The following TG variants were observed in gnomAD, a reference collection of about 807,000 sequenced individuals.
TG encodes the protein thyroglobulin.
Under a neutral mutation model 324.7 loss-of-function variants are expected in TG, and 270 were observed. The ratio of observed to expected loss-of-function variants is 0.83; its 90% CI spans 0.75 to 0.92. TG has a LOEUF of 0.92. Ranked by LOEUF, TG falls within the 40% of genes least tolerant of loss-of-function variation. TG has a pLI of 0.00. For synonymous variants in TG, 1,401 were observed against 1,327.0 expected, an observed-to-expected ratio of 1.06 and a Z score of -1.21; for missense variants, 3,591 against 3,456.4, an observed-to-expected ratio of 1.04 and a Z score of -0.98.
chr8:132,947,350 T>A (rs1050903690), intron 26 of TG, among the ~76,000 whole-genome samples: 2 of 152,328 alleles, frequency 1.3e-5, no homozygotes, highest in East Asian at 3.9e-4. Context: ...ATTTCTGATG[T>A]CATCAGTCTA....
intron 35 of TG, among the ~76,000 whole-genome samples, chr8:133,011,447 T>A (rs986282522): frequency 3.3e-5 from 5 of 152,162 alleles, no homozygotes; most frequent in Non-Finnish European, 4.4e-5. Flanking sequence ...CCCCACAGTG[T>A]CCCTTACAGA....
chr8:132,989,852 C>T (rs1004343236), intron 35 of TG, among the ~76,000 whole-genome samples: 1 of 152,198 alleles, frequency 6.6e-6, no homozygotes, highest in African/African-American at 2.4e-5. Context: ...CGGTGCAGCA[C>T]GTGGGCTTTG....
chr8:133,094,846 C>T (rs1848168951), intron 41 of TG, 198 bp from the exon 42 acceptor site: 1 of 700,044 alleles, frequency 1.4e-6, no homozygotes, highest in South Asian at 1.6e-5. Flanking sequence ...CCTAGAGAGA[C>T]ATCTTCAGTA....
At chr8:132,911,024 T>C (rs1443672620) in intron 18 of TG, among the ~76,000 whole-genome samples, 3 of 152,162 alleles carry the variant, frequency 2.0e-5, no homozygotes, top group African/African-American at 7.2e-5. Flanking sequence ...TGGTGGATGC[T>C]ATAGGGGTTC....
intron 35 of TG, among the ~76,000 whole-genome samples, chr8:132,995,867 G>A (rs1401728587): frequency 6.6e-6 from 1 of 152,316 alleles, no homozygotes; most frequent in East Asian, 1.9e-4. Flanking sequence ...TTCCCTAGAA[G>A]CGTCTTTGAA....
At chr8:133,080,842 C>T (rs1845635113) in intron 41 of TG, among the ~76,000 whole-genome samples, 1 of 152,340 alleles carries the variant, frequency 6.6e-6, no homozygotes, top group Non-Finnish European at 1.5e-5. Context: ...GGGGCAGGTC[C>T]CTTCAGGCCC....
In TG at chr8:132,929,073, T is replaced by C. The variant is rs1184867548; in HGVS notation, c.4700-3T>C. The stretch of plus-strand genomic sequence containing the variant: ...AGATTTACTAAATCTGCTTTATTTT[T>C]AGTGATGCAGAAGTTTGAGAAGGTT... On this transcript the variant is annotated splice_region_variant and splice_polypyrimidine_tract_variant and intron_variant, in intron 22 of 47. Transcript: ENST00000220616. The C allele has an allele frequency of 4.3e-6, 7 of 1,612,776 alleles. 1 individual carries two copies. The South Asian group carries it at 7.7e-5, about 18-fold the overall frequency.
chr8:133,030,384 C>T (rs1317221121), intron 41 of TG, among the ~76,000 whole-genome samples: 2 of 152,022 alleles, frequency 1.3e-5, no homozygotes, highest in African/African-American at 4.8e-5. Flanking sequence ...CCTGAAGTGC[C>T]GGCTACGTGA....
At chr8:133,002,960 C>T (rs1833681689) in intron 35 of TG, 1 of 1,015,596 alleles carries the variant, frequency 9.8e-7, no homozygotes, top group Non-Finnish European at 1.2e-6. Context: ...TTGATGCCTA[C>T]CATATCACCT....
intron 41 of TG, among the ~76,000 whole-genome samples, chr8:133,057,924 G>A (rs1386951450): frequency 2.0e-5 from 3 of 152,194 alleles, no homozygotes; most frequent in African/African-American, 7.2e-5. Flanking sequence ...CTTGTGCACG[G>A]CCAGGGTCTG....
chr8:132,928,241 A>G (rs1278886278), intron 22 of TG, among the ~76,000 whole-genome samples: 6 of 152,226 alleles, frequency 3.9e-5, no homozygotes, highest in Non-Finnish European at 1.5e-5. Context: ...CAATGGATGT[A>G]CATAATTAGT....
chr8:132,963,704 T>A (rs546679662), intron 29 of TG, among the ~76,000 whole-genome samples: 1 of 55,904 alleles, frequency 1.8e-5, no homozygotes, highest in East Asian at 8.2e-4. Context: ...TGTGTGTGTA[T>A]TTGCATGCAT....
intron 33 of TG, 107 bp downstream of exon 33, chr8:132,971,980 C>G: frequency 1.2e-6 from 1 of 844,270 alleles, no homozygotes; most frequent in Non-Finnish European, 2.0e-6. Context: ...TATCCTCGTT[C>G]ACAGATAAGG....
At chr8:133,026,993 A>G (rs1201023211) in intron 40 of TG, among the ~76,000 whole-genome samples, 2 of 152,232 alleles carry the variant, frequency 1.3e-5, no homozygotes, top group African/African-American at 4.8e-5. Context: ...CCCCCGTTTT[A>G]CAGATGCAGA....
chr8:133,050,759 C>A (rs1337402750), intron 41 of TG: 5 of 1,162,648 alleles, frequency 4.3e-6, no homozygotes, highest in Non-Finnish European at 5.2e-6. Flanking sequence ...ATACTTTTCT[C>A]CCAAACCAAG....
chr8:132,967,425 C>G (rs532994272), intron 30 of TG, among the ~76,000 whole-genome samples: 5 of 152,140 alleles, frequency 3.3e-5, no homozygotes, highest in African/African-American at 1.2e-4. Flanking sequence ...GCAGGGAGAC[C>G]ATTCACAAAG....
At chr8:132,958,100 G>A (rs1963138) in intron 27 of TG, among the ~76,000 whole-genome samples, 12,579 of 152,152 alleles carry the variant, frequency 0.083, 572 homozygotes, top group South Asian at 0.15. Context: ...CATCCAGGTC[G>A]CTGCAAATAT....
chr8:133,109,650 G>C (rs181394317), intron 43 of TG, among the ~76,000 whole-genome samples: 1 of 152,284 alleles, frequency 6.6e-6, no homozygotes, highest in East Asian at 1.9e-4. Flanking sequence ...CTCTGAGCCA[G>C]TTTCCTTGTC....
Position 133,038,236 on chromosome 8 carries a change from C to G in TG, c.7239+8213C>G, listed in dbSNP as rs1372851842. ...CTTGTGAGAGTGGCTTTGTCCTTCC[C>G]ACACACACAATGTGTGCATACATAC... is the stretch of plus-strand genomic sequence containing the variant. On this transcript the variant is annotated intron_variant, in intron 41 of 47. Transcript: ENST00000220616. 1.6e-5 allele frequency: 7 copies of G among 429,070 alleles called. No homozygotes were observed. In the East Asian group the frequency reaches 2.9e-4, roughly 18 times the overall value. The allele number at this position is 429,070 out of a possible 1,614,324, so 26.6% of individuals were successfully genotyped here.
Sources: gnomAD v4.1 joint callset for allele counts (sites outside exome capture counted in the v4.1 genomes callset) on GRCh38, gnomAD v4.1.1 for gene constraint, MANE v1.5 for transcripts, NCBI Gene and HGNC (gene_info 2026-07-23, HGNC 2026-07-21) for gene names.